Variants in GRIK2 observed in about 807,000 individuals in gnomAD.
GRIK2 encodes glutamate ionotropic receptor kainate type subunit 2.
A neutral mutation model predicts 100.3 loss-of-function variants in GRIK2; 32 were observed. That is an observed-to-expected ratio of 0.32 (90% CI 0.24 to 0.43). The LOEUF (loss-of-function observed/expected upper bound fraction) is 0.43. Ranked by LOEUF, GRIK2 falls within the 20% of genes least tolerant of loss-of-function variation. The probability of loss-of-function intolerance (pLI) is 1.00; values close to 1 mark genes in which losing one functional copy is unlikely to be tolerated. For missense variants in GRIK2, 843 were observed against 1,114.9 expected, an observed-to-expected ratio of 0.76 and a Z score of 3.47; for synonymous variants, 417 against 389.4, an observed-to-expected ratio of 1.07 and a Z score of -0.83.
At chr6:101,908,450 T>G (rs1363860249) in intron 12 of GRIK2, among the ~76,000 whole-genome samples, 1 of 151,304 alleles carries the variant, frequency 6.6e-6, no homozygotes, top group Non-Finnish European at 1.5e-5. Context: ...AGATTTTTGT[T>G]GTAGTCAATT....
intron 10 of GRIK2, among the ~76,000 whole-genome samples, chr6:101,852,867 T>A: frequency 6.6e-6 from 1 of 151,620 alleles, no homozygotes; most frequent in South Asian, 2.1e-4. Context: ...CCAGGAAGAG[T>A]AGTGAGGCAA....
chr6:101,473,493 A>T (rs1358936780), intron 2 of GRIK2, among the ~76,000 whole-genome samples: 2 of 151,962 alleles, frequency 1.3e-5, no homozygotes, highest in South Asian at 4.1e-4. Context: ...TTACCAAGCT[A>T]GTCTTATATG....
In GRIK2 at chr6:101,476,421, T is replaced by C. The variant is rs1191633946; in HGVS notation, c.115+77029T>C. ...AGCCAGCTCTTTAAGGAGAGTTCAT[T>C]GGTGGGAACTTTTCAAACGGACAGC... On this transcript the variant is annotated intron_variant, in intron 2 of 16. Coordinates refer to ENST00000369134, the MANE Select transcript of GRIK2 (RefSeq NM_021956.5). 3.9e-5 allele frequency among the ~76,000 whole-genome samples: 6 copies of C among 152,250 alleles called. No homozygotes were observed. In the South Asian group the frequency reaches 6.2e-4, roughly 16 times the overall value.
intron 2 of GRIK2, among the ~76,000 whole-genome samples, chr6:101,457,497 C>G (rs890996309): frequency 6.6e-6 from 1 of 152,084 alleles, no homozygotes; most frequent in Non-Finnish European, 1.5e-5. Flanking sequence ...CCAAGATAGT[C>G]TATCCACATT....
intron 7 of GRIK2, among the ~76,000 whole-genome samples, chr6:101,798,660 G>A (rs1780473055): frequency 6.6e-6 from 1 of 151,856 alleles, no homozygotes; most frequent in Admixed American, 6.6e-5. Context: ...CTAATTGTGT[G>A]AATGAGAAGA....
intron 7 of GRIK2, among the ~76,000 whole-genome samples, chr6:101,702,743 G>A (rs1248345980): frequency 6.6e-6 from 1 of 151,674 alleles, no homozygotes; most frequent in Non-Finnish European, 1.5e-5. Flanking sequence ...CTAGGGTTAT[G>A]GGAGAAAAAT....
At chr6:101,860,131 C>T (rs1784652937) in intron 11 of GRIK2, among the ~76,000 whole-genome samples, 1 of 151,842 alleles carries the variant, frequency 6.6e-6, no homozygotes, top group South Asian at 2.1e-4. Flanking sequence ...TCATTATGAT[C>T]TAAACAAGAT....
intron 2 of GRIK2, among the ~76,000 whole-genome samples, chr6:101,408,947 T>A (rs1775735551): frequency 6.6e-6 from 1 of 152,056 alleles, no homozygotes; most frequent in Non-Finnish European, 1.5e-5. Flanking sequence ...GATCAAATGA[T>A]TAAGCAAGGA....
intron 15 of GRIK2, among the ~76,000 whole-genome samples, chr6:102,054,548 G>A (rs986327021): frequency 6.6e-6 from 1 of 152,002 alleles, no homozygotes; most frequent in Non-Finnish European, 1.5e-5. Flanking sequence ...TGAATTAGCA[G>A]ATATTACTTA....
chr6:101,756,154 A>G (rs1417084887), intron 7 of GRIK2, among the ~76,000 whole-genome samples: 4 of 152,174 alleles, frequency 2.6e-5, no homozygotes, highest in African/African-American at 9.6e-5. Context: ...CAAGATGAGC[A>G]GAAGAGGTAA....
rs1366883227 is a variant in GRIK2, at chr6:101,968,733, C to T, written c.2085+40101C>T. Among the ~76,000 whole-genome samples, 4 of 148,530 alleles carry T rather than the reference C, an allele frequency of 2.7e-5. No individual in the cohort carries two copies. The South Asian group carries it at 6.6e-4, about 24-fold the overall frequency. ...TAAACATAAATCACACTTTCATCCA[C>T]CCATCAAAAATGTGTGTTCTCTGAG... On this transcript the variant is annotated intron_variant, in intron 14 of 16. Coordinates refer to ENST00000369134, the MANE Select transcript of GRIK2 (RefSeq NM_021956.5).
intron 10 of GRIK2, among the ~76,000 whole-genome samples, chr6:101,851,641 T>G (rs181961203): frequency 3.3e-5 from 5 of 152,050 alleles, no homozygotes; most frequent in Non-Finnish European, 5.9e-5. Context: ...ATGAGATGAT[T>G]TGTCAGGTAG....
chr6:101,814,408 A>G (rs946183197), intron 9 of GRIK2, among the ~76,000 whole-genome samples: 34 of 152,130 alleles, frequency 2.2e-4, no homozygotes, highest in African/African-American at 8.0e-4. Context: ...TTAATAATAT[A>G]TATTGAGAGT....
intron 2 of GRIK2, among the ~76,000 whole-genome samples, chr6:101,449,894 T>C (rs1448045882): frequency 6.6e-6 from 1 of 151,710 alleles, no homozygotes; most frequent in Non-Finnish European, 1.5e-5. Flanking sequence ...AGACGATTAA[T>C]TCAAAGATAA....
chr6:101,960,010 T>A (rs1792184442), intron 14 of GRIK2, among the ~76,000 whole-genome samples: 1 of 151,398 alleles, frequency 6.6e-6, no homozygotes, highest in Non-Finnish European at 1.5e-5. Context: ...GTTTGGTTAC[T>A]TTACGTAATC....
intron 3 of GRIK2, among the ~76,000 whole-genome samples, chr6:101,623,720 T>G (rs1562267469): frequency 2.6e-5 from 4 of 152,160 alleles, no homozygotes; most frequent in Admixed American, 2.6e-4. Flanking sequence ...ATTTACAAGC[T>G]TTGTTACCCA....
intron 2 of GRIK2, among the ~76,000 whole-genome samples, chr6:101,498,152 A>G (rs1773549622): frequency 6.7e-6 from 1 of 149,572 alleles, no homozygotes; most frequent in African/African-American, 2.5e-5. Flanking sequence ...TTTACTGAGA[A>G]TGATGATTTC....
intron 2 of GRIK2, among the ~76,000 whole-genome samples, chr6:101,569,652 T>A (rs1479180409): frequency 1.3e-5 from 2 of 152,042 alleles, no homozygotes; most frequent in African/African-American, 4.8e-5. Flanking sequence ...GTCCAGGGAA[T>A]TCTTTATGTT....
At chr6:101,815,953 G>T (rs1265558763) in intron 9 of GRIK2, among the ~76,000 whole-genome samples, 1 of 152,108 alleles carries the variant, frequency 6.6e-6, no homozygotes, top group Non-Finnish European at 1.5e-5. Flanking sequence ...ATATTCATCT[G>T]TGTCAGAACT....
Sources: allele counts gnomAD v4.1 joint callset (sites outside exome capture counted in the v4.1 genomes callset), GRCh38; gene constraint gnomAD v4.1.1; transcripts MANE v1.5; gene names NCBI Gene and HGNC (gene_info 2026-07-23, HGNC 2026-07-21).